Variants in SLC9A2 observed in about 807,000 individuals in gnomAD.
SLC9A2 encodes solute carrier family 9 member A2.
Under a neutral mutation model 71.7 loss-of-function variants are expected in SLC9A2, and 42 were observed. The observed-to-expected ratio is 0.59, with a 90% CI of 0.46 to 0.76. SLC9A2 has a LOEUF of 0.76. Among genes scored for constraint, SLC9A2 ranks in the 30% least tolerant of loss-of-function variants. The probability of loss-of-function intolerance (pLI) is 0.00; values close to 1 mark genes in which losing one functional copy is unlikely to be tolerated. For missense variants in SLC9A2, 829 were observed against 1,017.4 expected (o/e 0.81, Z 2.52); for synonymous variants, 396 against 392.5 (o/e 1.01, Z -0.10).
At chr2:102,637,607 G>A (rs1676493618) in intron 1 of SLC9A2, among the ~76,000 whole-genome samples, 1 of 152,138 alleles carries the variant, frequency 6.6e-6, no homozygotes. Flanking sequence ...GACTCCCAGG[G>A]CAGCAGAGCC....
chr2:102,647,088 AG>A (rs1366885274), intron 1 of SLC9A2, among the ~76,000 whole-genome samples: 1 of 152,176 alleles, frequency 6.6e-6, no homozygotes, highest in African/African-American at 2.4e-5. Flanking sequence ...CAAATGCAAA[AG>A]AATGGAAATC....
Position 102,701,087 on chromosome 2 carries a change from A to T in SLC9A2, c.1604A>T (p.Asp535Val). Residue 535 changes from aspartate (D) to valine (V), a missense_variant, in exon 8 of 12, where the codon GAT becomes GTT. This residue lies in a region of SLC9A2 where 500 missense variants were observed against 726.3 expected (regional missense o/e 0.69). Transcript: ENST00000233969. ...ATTTACAGGTTTAAGAAGTTTGATG[A>T]TAAATATCTGCGGAAGCTTTTGATT... The part of the protein sequence containing the change: ...FWRDKFKKFD[D>V]KYLRKLLIRE... 6.2e-7 allele frequency: 1 copy of T among 1,602,694 alleles called. No individual in the cohort carries two copies. Among genetic ancestry groups the T allele is most frequent in the South Asian group, 1.1e-5 (1 of 89,362 alleles).
Position 102,692,326 on chromosome 2 carries a change from T to TA in SLC9A2, c.1426-2081dup, listed in dbSNP as rs374531671. On this transcript the variant is annotated intron_variant, in intron 5 of 11. Coordinates refer to ENST00000233969, the MANE Select transcript of SLC9A2 (RefSeq NM_003048.6). ...ATGGAAAAAAGCCAATCACCTCCTT[T>TA]AAAAAAATGGATGTGTATGTGTGTC... 9.7e-4 allele frequency among the ~76,000 whole-genome samples: 148 copies of TA among 152,226 alleles called. 1 individual carries two copies. The highest frequency in any genetic ancestry group is 3.3e-3 in the African/African-American group (138 of 41,552).
chr2:102,683,068 C>CT (rs1267420635), intron 3 of SLC9A2, among the ~76,000 whole-genome samples, 193 bp from the exon 4 acceptor site: 1 of 152,060 alleles, frequency 6.6e-6, no homozygotes, highest in Non-Finnish European at 1.5e-5. Context: ...GCCAGGGTTG[C>CT]TAAAGAAGAC....
rs12619343 is a variant in SLC9A2, at chr2:102,696,244, G to A, written c.1586+1131G>A. 2.4e-3 allele frequency among the ~76,000 whole-genome samples: 362 copies of A among 152,162 alleles called. 6 individuals are homozygous for A. In the East Asian group the frequency reaches 0.038, roughly 16 times the overall value. Reference sequence around the variant, plus strand: ...GCCCTTTTTTTTCATAGAGAAATTTGTTAAACATTTATTAGCATATCACTG... The same window carrying A: ...GCCCTTTTTTTTCATAGAGAAATTTATTAAACATTTATTAGCATATCACTG... On this transcript the variant is annotated intron_variant, in intron 7 of 11. Transcript: ENST00000233969.
At chr2:102,687,801 CAG>C (rs753139018) in intron 5 of SLC9A2, among the ~76,000 whole-genome samples, 7 of 150,830 alleles carry the variant, frequency 4.6e-5, no homozygotes, top group Admixed American at 6.6e-5. Context: ...TTTTTTGAGA[CAG>C]AGTGTCACTC....
intron 7 of SLC9A2, among the ~76,000 whole-genome samples, chr2:102,695,784 A>AT (rs1677747682): frequency 2.3e-5 from 1 of 44,052 alleles, no homozygotes; most frequent in African/African-American, 7.6e-5. Context: ...TATATTATAT[A>AT]TATATTATAT....
chr2:102,664,273 C>CA (rs879751313), intron 2 of SLC9A2, among the ~76,000 whole-genome samples: 6,043 of 97,990 alleles, frequency 0.062, 291 homozygotes, highest in African/African-American at 0.15. Flanking sequence ...GAGTGAGACT[C>CA]AAAAAAAAAA....
At chr2:102,670,871 G>C (rs1420810479) in intron 3 of SLC9A2, among the ~76,000 whole-genome samples, 6 of 20,094 alleles carry the variant, frequency 3.0e-4, no homozygotes, top group Admixed American at 5.1e-4. Flanking sequence ...TTTTTTTTTT[G>C]CCTATCCTAG....
intron 5 of SLC9A2, among the ~76,000 whole-genome samples, chr2:102,688,340 T>A: frequency 6.6e-6 from 1 of 152,146 alleles, no homozygotes; most frequent in East Asian, 1.9e-4. Context: ...TAGACAATGC[T>A]CCAGGCAGCT....
rs899311583 is a variant in SLC9A2 at position 102,710,928 on chromosome 2, C to T, written c.*2439C>T. 10 of 152,336 alleles carry T rather than the reference C, an allele frequency of 6.6e-5. No individual in the cohort carries two copies. The highest frequency in any genetic ancestry group is 2.2e-4 in the African/African-American group (9 of 41,524). 9.4% of individuals were successfully genotyped at this position (152,336 alleles called of 1,614,324 possible). A position where few individuals can be genotyped will look rare whatever the true frequency, so the allele number is the denominator to read the frequency against. On this transcript the variant is annotated 3_prime_UTR_variant, in exon 12 of 12. Coordinates refer to ENST00000233969, the MANE Select transcript of SLC9A2 (RefSeq NM_003048.6). ...TTTGAACTACCTATAAATGAAAAGT[C>T]GGGGTTTATTACTTTATATGTAATG...
chr2:102,679,385 A>AT (rs61336100), intron 3 of SLC9A2, among the ~76,000 whole-genome samples: 1,639 of 74,400 alleles, frequency 0.022, 23 homozygotes, highest in African/African-American at 0.09. Context: ...TATATATATA[A>AT]TTTTTTTTTT....
In SLC9A2 at chr2:102,709,002, A is replaced by G. The variant is rs1678045229; in HGVS notation, c.*513A>G. The G allele has an allele frequency of 6.5e-6, 1 of 154,682 alleles. No individual in the cohort carries two copies. The highest frequency in any genetic ancestry group is 6.5e-5 in the Admixed American group (1 of 15,480). The allele number at this position is 154,682 out of a possible 1,614,324, so 9.6% of individuals were successfully genotyped here. A position where few individuals can be genotyped will look rare whatever the true frequency, so the allele number is the denominator to read the frequency against. On this transcript the variant is annotated 3_prime_UTR_variant, in exon 12 of 12. Transcript: ENST00000233969. ...TTTCCCTGTCCTGACCCGATGGAGC[A>G]GCCGGTAAGTGAAGAGCACAGCTGG...
intron 1 of SLC9A2, among the ~76,000 whole-genome samples, chr2:102,653,265 C>T (rs970578850): frequency 6.6e-6 from 1 of 152,124 alleles, no homozygotes; most frequent in Non-Finnish European, 1.5e-5. Flanking sequence ...TCATTCAGGC[C>T]AATTCTGAAT....
At chr2:102,698,478 C>T (rs1677809234) in intron 7 of SLC9A2, among the ~76,000 whole-genome samples, 1 of 152,186 alleles carries the variant, frequency 6.6e-6, no homozygotes, top group African/African-American at 2.4e-5. Context: ...CAAACCATCC[C>T]CAAAACTCAG....
chr2:102,685,128 G>A (rs914333359), intron 5 of SLC9A2, among the ~76,000 whole-genome samples: 11 of 152,328 alleles, frequency 7.2e-5, no homozygotes, highest in East Asian at 1.9e-4. Flanking sequence ...AGGGAACAGC[G>A]AGAAAAATGA....
intron 5 of SLC9A2, among the ~76,000 whole-genome samples, chr2:102,687,323 C>A (rs1677565503): frequency 6.6e-6 from 1 of 152,156 alleles, no homozygotes. Flanking sequence ...CCCACACACA[C>A]AAATACACAC....
At chr2:102,673,605 T>A (rs1019868713) in intron 3 of SLC9A2, among the ~76,000 whole-genome samples, 6 of 152,272 alleles carry the variant, frequency 3.9e-5, no homozygotes, top group Middle Eastern at 3.4e-3. Flanking sequence ...AATGCTGCCA[T>A]CACTTTGCTT....
chr2:102,636,642 C>T (rs967874729), intron 1 of SLC9A2, among the ~76,000 whole-genome samples: 1 of 152,148 alleles, frequency 6.6e-6, no homozygotes, highest in African/African-American at 2.4e-5. Context: ...TGGCATAAAT[C>T]GTTTACTAAC....
Sources: gnomAD v4.1 joint callset for allele counts (sites outside exome capture counted in the v4.1 genomes callset) on GRCh38, gnomAD v4.1.1 for gene constraint, gnomAD v4.1.1 regional missense constraint, MANE v1.5 for transcripts, NCBI Gene and HGNC (gene_info 2026-07-23, HGNC 2026-07-21) for gene names.